The following CFAP299 variants were observed in gnomAD, a reference collection of about 807,000 sequenced individuals.
CFAP299 encodes cilia- and flagella-associated protein 299.
A neutral mutation model predicts 27.0 loss-of-function variants in CFAP299; 21 were observed. That is an observed-to-expected ratio of 0.78 (90% confidence interval 0.55 to 1.12). CFAP299 has a LOEUF of 1.12. Among genes scored for constraint, CFAP299 ranks in the 50% most tolerant of loss-of-function variants. The probability of loss-of-function intolerance (pLI) is 0.00; values close to 1 mark genes in which losing one functional copy is unlikely to be tolerated. For synonymous variants in CFAP299, 104 were observed against 98.1 expected (o/e 1.06, Z -0.36); for missense variants, 310 against 276.6 (o/e 1.12, Z -0.86).
chr4:80,621,853 TAAAAG>T (rs958355497), intron 3 of CFAP299, among the ~76,000 whole-genome samples: 6 of 152,054 alleles, frequency 3.9e-5, no homozygotes, highest in Non-Finnish European at 8.8e-5. Context: ...TTCCAGGTCT[TAAAAG>T]AAATAAGAAT....
intron 1 of CFAP299, among the ~76,000 whole-genome samples, chr4:80,357,295 T>G (rs1269345826): frequency 6.6e-6 from 1 of 152,212 alleles, no homozygotes; most frequent in Non-Finnish European, 1.5e-5. Context: ...TGCCTGAAGT[T>G]TTCTTTTAAT....
intron 3 of CFAP299, among the ~76,000 whole-genome samples, chr4:80,844,872 G>GT (rs1225860394): frequency 2.6e-5 from 4 of 152,166 alleles, no homozygotes; most frequent in Non-Finnish European, 5.9e-5. Flanking sequence ...TTCTTCCAGA[G>GT]TTTTTATGGT....
At chr4:80,585,162 G>A (rs535517337) in intron 3 of CFAP299, among the ~76,000 whole-genome samples, 5 of 152,150 alleles carry the variant, frequency 3.3e-5, no homozygotes, top group Middle Eastern at 3.4e-3. Context: ...AAATTTGGCA[G>A]GATGCTGTGA....
At chr4:80,714,219 T>C (rs1722345530) in intron 3 of CFAP299, among the ~76,000 whole-genome samples, 1 of 152,070 alleles carries the variant, frequency 6.6e-6, no homozygotes, top group Admixed American at 6.6e-5. Flanking sequence ...AAGTGTGGGC[T>C]ATAGAGAGTA....
chr4:80,684,500 C>A lies in CFAP299; in HGVS notation c.333+101317C>A, dbSNP rs771738553. On this transcript the variant is annotated intron_variant, in intron 3 of 5. Transcript: ENST00000358105. ...CAGGATGGTTTCGATCTCCTGACCT[C>A]GTGATCCACCCGCCTCGGCCTCCCA... Among the ~76,000 whole-genome samples, 4 of 152,224 alleles carry A rather than the reference C, an allele frequency of 2.6e-5. No homozygotes were observed. The South Asian group carries it at 8.3e-4, about 32-fold the overall frequency.
intron 3 of CFAP299, among the ~76,000 whole-genome samples, chr4:80,733,405 C>A (rs1414653499): frequency 6.6e-6 from 1 of 152,054 alleles, no homozygotes; most frequent in African/African-American, 2.4e-5. Flanking sequence ...GCATAATAAT[C>A]ATATCATGGA....
chr4:80,799,877 A>C (rs960900900), intron 3 of CFAP299, among the ~76,000 whole-genome samples: 630 of 33,582 alleles, frequency 0.019, 28 homozygotes, highest in East Asian at 0.065. Context: ...TATATATTAT[A>C]TTATATAATA....
At chr4:80,889,305 G>A (rs767875633) in intron 4 of CFAP299, among the ~76,000 whole-genome samples, 2 of 151,808 alleles carry the variant, frequency 1.3e-5, no homozygotes, top group African/African-American at 2.4e-5. Context: ...CATTTCAACT[G>A]ATACTGCAGA....
chr4:80,716,087 A>C (rs188406203), intron 3 of CFAP299, among the ~76,000 whole-genome samples: 1 of 152,210 alleles, frequency 6.6e-6, no homozygotes, highest in African/African-American at 2.4e-5. Context: ...GTTACCTAAA[A>C]GCTATAAACC....
chr4:80,957,099 G>A (rs1380082075), intron 5 of CFAP299, among the ~76,000 whole-genome samples: 3 of 151,958 alleles, frequency 2.0e-5, no homozygotes, highest in Admixed American at 1.3e-4. Flanking sequence ...ATTCTTCTGG[G>A]ATTTGGTAGA....
chr4:80,762,297 C>A (rs897851817), intron 3 of CFAP299, among the ~76,000 whole-genome samples: 2 of 151,588 alleles, frequency 1.3e-5, no homozygotes, highest in Non-Finnish European at 2.9e-5. Flanking sequence ...ATATAAGAAC[C>A]AAAAATTTGA....
At chr4:80,413,897 A>G (rs893601651) in intron 2 of CFAP299, among the ~76,000 whole-genome samples, 3 of 151,764 alleles carry the variant, frequency 2.0e-5, no homozygotes, top group African/African-American at 7.3e-5. Flanking sequence ...GCAAATTTCC[A>G]GGAGAAAAAA....
At chr4:80,644,383 T>C (rs934011909) in intron 3 of CFAP299, among the ~76,000 whole-genome samples, 1 of 152,152 alleles carries the variant, frequency 6.6e-6, no homozygotes, top group Non-Finnish European at 1.5e-5. Flanking sequence ...ATGAGTACAC[T>C]TTTTTAAATT....
At chr4:80,823,133 T>G (rs555853690) in intron 3 of CFAP299, among the ~76,000 whole-genome samples, 9 of 152,276 alleles carry the variant, frequency 5.9e-5, no homozygotes, top group African/African-American at 1.7e-4. Flanking sequence ...CCTCCTATCT[T>G]GCCCTAACCT....
intron 2 of CFAP299, among the ~76,000 whole-genome samples, chr4:80,461,382 C>A (rs774389859): frequency 2.0e-5 from 3 of 152,088 alleles, no homozygotes; most frequent in African/African-American, 7.2e-5. Flanking sequence ...ACTTAGATTT[C>A]TTTCAGGGTC....
At chr4:80,324,225 C>T in the CFAP299 span, among the ~76,000 whole-genome samples, 13 of 152,078 alleles carry the variant, frequency 8.5e-5, no homozygotes, top group Non-Finnish European at 1.5e-4. Flanking sequence ...ACATTAAAAA[C>T]TCAGGAATCG....
At chr4:80,948,829 A>T (rs937656428) in intron 5 of CFAP299, among the ~76,000 whole-genome samples, 8 of 152,112 alleles carry the variant, frequency 5.3e-5, no homozygotes, top group African/African-American at 1.9e-4. Context: ...AAAAGCAATA[A>T]TAACAATAAT....
intron 3 of CFAP299, among the ~76,000 whole-genome samples, chr4:80,783,148 G>A (rs1043448403): frequency 1.3e-5 from 2 of 152,088 alleles, no homozygotes; most frequent in Non-Finnish European, 2.9e-5. Context: ...ATTTAAGGCA[G>A]CAAATCTCTG....
At chr4:80,946,179 T>G (rs1737466274) in intron 5 of CFAP299, among the ~76,000 whole-genome samples, 1 of 152,076 alleles carries the variant, frequency 6.6e-6, no homozygotes, top group Non-Finnish European at 1.5e-5. Flanking sequence ...GATGATTACC[T>G]GAAATGAGAT....
Sources: gnomAD v4.1 joint callset for allele counts (sites outside exome capture counted in the v4.1 genomes callset) on GRCh38, gnomAD v4.1.1 for gene constraint, MANE v1.5 for transcripts, NCBI Gene and HGNC (gene_info 2026-07-23, HGNC 2026-07-21) for gene names.